XIRP2: variants seen among roughly 807,000 people sequenced by gnomAD.
XIRP2 encodes xin actin binding repeat containing 2.
In XIRP2, 236 loss-of-function variants were observed where a neutral mutation model predicts 277.0. The observed-to-expected ratio is 0.85, with a 90% confidence interval of 0.77 to 0.95. XIRP2 has a LOEUF of 0.95. Ranked by LOEUF, XIRP2 falls within the 40% of genes least tolerant of loss-of-function variation. XIRP2 has a pLI of 0.00. For missense variants in XIRP2, 4,640 were observed against 4,157.5 expected (o/e 1.12, Z -3.19); for synonymous variants, 1,490 against 1,416.5 (o/e 1.05, Z -1.17).
At chr2:167,010,083 G>A (rs1687623355) in intron 2 of XIRP2, among the ~76,000 whole-genome samples, 1 of 151,958 alleles carries the variant, frequency 6.6e-6, no homozygotes. Flanking sequence ...GATCCCATTT[G>A]TCAATTTTGT....
chr2:167,209,623 C>G (rs1693963080), intron 3 of XIRP2, among the ~76,000 whole-genome samples: 2 of 151,954 alleles, frequency 1.3e-5, no homozygotes, highest in African/African-American at 4.8e-5. Flanking sequence ...TATACATAAA[C>G]TCATATACAA....
intron 2 of XIRP2, among the ~76,000 whole-genome samples, chr2:167,075,795 C>A (rs908762853): frequency 6.6e-6 from 1 of 151,358 alleles, no homozygotes; most frequent in African/African-American, 2.4e-5. Flanking sequence ...GCACCTGCCA[C>A]CATGCCCAGC....
chr2:167,257,736 C>A, intron 10 of XIRP2, 121 bp from the exon 11 acceptor site: 1 of 885,310 alleles, frequency 1.1e-6, no homozygotes, highest in Non-Finnish European at 1.7e-6. Flanking sequence ...ACTAATAGGG[C>A]CATTCCCATT....
Position 167,248,041 on chromosome 2 carries a change from C to G in XIRP2, c.6649C>G (p.Gln2217Glu). The G allele has an allele frequency of 1.2e-6, 2 of 1,613,488 alleles. No individual in the cohort carries two copies. The highest frequency in any genetic ancestry group is 1.7e-6 in the Non-Finnish European group (2 of 1,179,714). The change falls in exon 9 of 11, where the codon CAA becomes GAA. Residue 2217 changes from glutamine (Q) to glutamate (E), a missense_variant. Gln to Glu is a conservative substitution (Grantham distance 29). Coordinates refer to ENST00000409195, the MANE Select transcript of XIRP2 (RefSeq NM_152381.6). Reference sequence around the variant, plus strand: ...AATGTGGCAGCTTTTGCCTGTAGAGCAAGACACATCCAATGTAACAGAAAT... The same window carrying G: ...AATGTGGCAGCTTTTGCCTGTAGAGGAAGACACATCCAATGTAACAGAAAT... The part of the protein sequence containing the change: ...QPMWQLLPVE[Q>E]DTSNVTEMKV...
At chr2:167,011,851 T>G (rs1471627338) in intron 2 of XIRP2, among the ~76,000 whole-genome samples, 1 of 152,150 alleles carries the variant, frequency 6.6e-6, no homozygotes, top group African/African-American at 2.4e-5. Context: ...TTTTCTAGTT[T>G]ATTTGCGAAG....
intron 2 of XIRP2, among the ~76,000 whole-genome samples, chr2:167,091,039 G>A (rs926728011): frequency 1.3e-5 from 2 of 152,110 alleles, no homozygotes; most frequent in South Asian, 4.1e-4. Flanking sequence ...TCCCTAGAGA[G>A]CATTCTATTG....
At chr2:167,050,521 T>C (rs1409745949) in intron 2 of XIRP2, among the ~76,000 whole-genome samples, 1 of 151,928 alleles carries the variant, frequency 6.6e-6, no homozygotes, top group Non-Finnish European at 1.5e-5. Context: ...TATTTTGGCA[T>C]AGAACTGTTA....
chr2:166,934,718 A>C (rs1685443951), intron 2 of XIRP2, among the ~76,000 whole-genome samples: 1 of 152,128 alleles, frequency 6.6e-6, no homozygotes, highest in Non-Finnish European at 1.5e-5. Context: ...TTCCTCTCAA[A>C]AATGTACAAT....
intron 3 of XIRP2, among the ~76,000 whole-genome samples, chr2:167,162,810 A>G (rs1692411064): frequency 6.6e-6 from 1 of 152,182 alleles, no homozygotes; most frequent in African/African-American, 2.4e-5. Flanking sequence ...CCTTGTTGCC[A>G]TCCCAGTCAG....
chr2:166,946,918 T>C (rs890056675), intron 2 of XIRP2, among the ~76,000 whole-genome samples: 1 of 152,142 alleles, frequency 6.6e-6, no homozygotes, highest in Admixed American at 6.6e-5. Flanking sequence ...TGGGCAAATA[T>C]CATTTTCATT....
Position 167,248,635 on chromosome 2 carries a change from A to T in XIRP2, c.7243A>T (p.Lys2415Ter). The T allele has an allele frequency of 1.9e-6, 3 of 1,613,750 alleles. No individual in the cohort carries two copies. The highest frequency in any genetic ancestry group is 2.5e-6 in the Non-Finnish European group (3 of 1,179,824). ...QNSQAKIITG[K>*]TGVLPPPTLP... ...TTCTCAGGCTAAAATCATAACAGGA[A>T]AAACCGGTGTGTTGCCACCTCCCAC... Residue 2415 changes from lysine (K) to a stop codon, truncating the protein, a stop_gained, in exon 9 of 11, where the codon AAA becomes TAA. Coordinates refer to ENST00000409195, the MANE Select transcript of XIRP2 (RefSeq NM_152381.6). LOFTEE classifies it high-confidence loss of function.
chr2:167,136,111 C>T (rs775814956), intron 3 of XIRP2, 49 bp downstream of exon 3: 3 of 1,461,242 alleles, frequency 2.1e-6, no homozygotes, highest in South Asian at 1.5e-5. Flanking sequence ...CCTTGTACAA[C>T]ATGAGTGGTT....
intron 2 of XIRP2, among the ~76,000 whole-genome samples, chr2:167,076,161 A>G (rs184573145): frequency 6.6e-6 from 1 of 152,320 alleles, no homozygotes; most frequent in East Asian, 1.9e-4. Flanking sequence ...TCACTTCTCT[A>G]GCTTCTATTT....
chr2:167,194,561 AC>A (rs750877394), intron 3 of XIRP2, among the ~76,000 whole-genome samples: 5 of 152,114 alleles, frequency 3.3e-5, no homozygotes, highest in Non-Finnish European at 7.4e-5. Flanking sequence ...TTCTCAGTTT[AC>A]CAGAATCACA....
At chr2:167,240,135 C>A (rs1559035521) in intron 6 of XIRP2, among the ~76,000 whole-genome samples, 170 bp downstream of exon 6, 1 of 151,870 alleles carries the variant, frequency 6.6e-6, no homozygotes, top group African/African-American at 2.4e-5. Context: ...AAAATAGGGC[C>A]AGGCGCGGTG....
chr2:166,946,667 T>C (rs970627784), intron 2 of XIRP2, among the ~76,000 whole-genome samples: 1 of 152,086 alleles, frequency 6.6e-6, no homozygotes, highest in African/African-American at 2.4e-5. Context: ...GATAGATAGA[T>C]AGGATTTCCT....
At chr2:166,926,394 A>T (rs2105363559) in intron 2 of XIRP2, among the ~76,000 whole-genome samples, 1 of 152,244 alleles carries the variant, frequency 6.6e-6, no homozygotes, top group Middle Eastern at 3.4e-3. Flanking sequence ...TTGATTTAAA[A>T]TAGTGACCAT....
chr2:167,129,185 C>T (rs1053058059), intron 2 of XIRP2, among the ~76,000 whole-genome samples: 1 of 151,980 alleles, frequency 6.6e-6, no homozygotes, highest in African/African-American at 2.4e-5. Flanking sequence ...TATTTTTGCT[C>T]TTCTCTTTAT....
chr2:167,235,043 T>G (rs145554171), intron 5 of XIRP2, among the ~76,000 whole-genome samples: 1 of 151,994 alleles, frequency 6.6e-6, no homozygotes, highest in African/African-American at 2.4e-5. Context: ...CCTCTGTGTA[T>G]GTGTTTGCTC....
Sources: allele counts gnomAD v4.1 joint callset (sites outside exome capture counted in the v4.1 genomes callset), GRCh38; gene constraint gnomAD v4.1.1; transcripts MANE v1.5; gene names NCBI Gene and HGNC (gene_info 2026-07-23, HGNC 2026-07-21).